Variants in C11orf58 observed in about 807,000 individuals in gnomAD.
C11orf58 encodes chromosome 11 open reading frame 58, also known as small acidic protein.
Under a neutral mutation model 22.7 loss-of-function variants are expected in C11orf58, and 5 were observed. The ratio of observed to expected loss-of-function variants is 0.22; its 90% CI spans 0.12 to 0.46. The LOEUF is 0.46. Among genes scored for constraint, C11orf58 ranks in the 20% least tolerant of loss-of-function variants. The pLI, the probability that C11orf58 is intolerant of heterozygous loss-of-function variation, is 0.99. For missense variants in C11orf58, 151 were observed against 223.3 expected, an observed-to-expected ratio of 0.68 and a Z score of 2.06; for synonymous variants, 71 against 70.7, an observed-to-expected ratio of 1.00 and a Z score of -0.02.
At chr11:16,741,471 T>C (rs771130188) in intron 1 of C11orf58, among the ~76,000 whole-genome samples, 15 of 152,198 alleles carry the variant, frequency 9.9e-5, no homozygotes, top group Non-Finnish European at 2.1e-4. Context: ...TAGTAACTGC[T>C]AAGGAACTCT....
At position 16,754,831 on chromosome 11, in the gene C11orf58, A is replaced by G. The variant is rs1208523056; in HGVS notation, c.319-40A>G. 5 of 1,606,274 alleles carry G rather than the reference A, an allele frequency of 3.1e-6. No individual in the cohort carries two copies. The South Asian group carries it at 4.5e-5, about 14-fold the overall frequency. ...GTCTTTCTCAGATTTTGTATGGGCT[A>G]ATGTTTATTTTTAAAAGAGCCTGTT... On this transcript the variant is annotated intron_variant, in intron 4 of 4. Transcript: ENST00000228136.
intron 1 of C11orf58, among the ~76,000 whole-genome samples, chr11:16,742,919 C>T (rs2134068497): frequency 6.6e-6 from 1 of 152,192 alleles, no homozygotes; most frequent in African/African-American, 2.4e-5. Context: ...GCAGCCAGCC[C>T]TGTGGAACCT....
intron 4 of C11orf58, among the ~76,000 whole-genome samples, chr11:16,754,592 C>A (rs560775482): frequency 3.1e-5 from 2 of 65,074 alleles, no homozygotes; most frequent in African/African-American, 5.7e-5. Flanking sequence ...TTTTAAGAGA[C>A]AGGGTCTCAC....
In C11orf58 at chr11:16,754,912, TGATGATGAC is replaced by T. The variant is rs768657064; in HGVS notation, c.369_377del (p.Asp124_Asp126del). The T allele has an allele frequency of 4.3e-6, 7 of 1,614,074 alleles. No individual in the cohort carries two copies. The Admixed American group carries it at 1.2e-4, about 27-fold the overall frequency. Reference sequence around the variant, plus strand: ...GAGAAGGTGATGTGGCTGGAGATGATGATGATGACGATGATGATTCACCTGATCCTGAAA... The same window carrying T: ...GAGAAGGTGATGTGGCTGGAGATGATGATGATGATTCACCTGATCCTGAAA... On this transcript the variant is annotated inframe_deletion, in exon 5 of 5. Transcript: ENST00000228136.
chr11:16,752,878 G>A lies in C11orf58; in HGVS notation c.302G>A (p.Gly101Glu), dbSNP rs1337249682. ...TCAGGAAGATATCGGCGACATTGTGGACTTGGCTTCAGTGAGGTAGTAATT... is the reference window on the plus strand; with the variant it reads ...TCAGGAAGATATCGGCGACATTGTGAACTTGGCTTCAGTGAGGTAGTAATT... ...KLSGRYRRHC[G>E]LGFSEVEDHD... The change falls in exon 4 of 5, where the codon GGA becomes GAA. Residue 101 changes from glycine (G) to glutamate (E), a missense_variant. By Grantham distance (98) the Gly-to-Glu change is moderately conservative. Around this residue, in one of 3 missense-constraint regions of C11orf58, gnomAD observed 112 missense variants for 162.6 expected, o/e 0.69. Coordinates refer to ENST00000228136, the MANE Select transcript of C11orf58 (RefSeq NM_014267.6). 1 of 1,609,398 alleles carries A rather than the reference G, an allele frequency of 6.2e-7. No individual in the cohort carries two copies. The highest frequency in any genetic ancestry group is 1.3e-5 in the African/African-American group (1 of 74,694).
At chr11:16,748,305 GTAATCCCGGTT>G (rs1030795804) in intron 3 of C11orf58, 148 bp downstream of exon 3, 37 of 590,868 alleles carry the variant, frequency 6.3e-5, no homozygotes, top group Non-Finnish European at 1.0e-4. Flanking sequence ...CTTAATGCCT[GTAATCCCGGTT>G]ATTTGGGAGG....
chr11:16,748,196 T>C (rs777039021), intron 3 of C11orf58, 39 bp downstream of exon 3: 1 of 1,490,950 alleles, frequency 6.7e-7, no homozygotes, highest in Non-Finnish European at 9.4e-7. Context: ...AAGTGCTAAA[T>C]TCAGAATATG....
chr11:16,754,941 C>A lies in C11orf58; in HGVS notation c.389C>A (p.Pro130His). ...GATGACGATGATGATTCACCTGATC[C>A]TGAAAGTCCAGATGATTCTGAAAGC... is the stretch of plus-strand genomic sequence containing the variant. ...DDDDDDDSPDPESPDDSESDS... is the reference protein window; with the variant it reads ...DDDDDDDSPDHESPDDSESDS... Residue 130 changes from proline to histidine, a missense_variant, in exon 5 of 5, where the codon CCT (proline) becomes CAT (histidine). Physicochemically the swap from Pro to His is moderately conservative, Grantham distance 77. Transcript: ENST00000228136. The A allele has an allele frequency of 6.2e-7, 1 of 1,613,980 alleles. No homozygotes were observed. The highest frequency in any genetic ancestry group is 1.1e-5 in the South Asian group (1 of 91,078).
chr11:16,751,630 A>T (rs1483316547), intron 3 of C11orf58: 1 of 152,238 alleles, frequency 6.6e-6, no homozygotes. Context: ...TGGGGGCCAC[A>T]AGTGAACATT....
At chr11:16,752,731 T>A in intron 3 of C11orf58, 54 bp from the exon 4 acceptor site, 1 of 1,280,990 alleles carries the variant, frequency 7.8e-7, no homozygotes, top group Non-Finnish European at 1.1e-6. Context: ...TTATGGGTTT[T>A]TGTGTAAATT....
At chr11:16,754,594 G>C (rs1368263387) in intron 4 of C11orf58, among the ~76,000 whole-genome samples, 2 of 79,166 alleles carry the variant, frequency 2.5e-5, no homozygotes, top group African/African-American at 9.6e-5. Flanking sequence ...TTAAGAGACA[G>C]GGTCTCACTA....
At position 16,757,807 on chromosome 11, in the gene C11orf58, G is replaced by C. The variant is rs1472159831; in HGVS notation, c.*2703G>C. On this transcript the variant is annotated 3_prime_UTR_variant, in exon 5 of 5. Coordinates refer to ENST00000228136, the MANE Select transcript of C11orf58 (RefSeq NM_014267.6). ...AAAAGAATGTTTGCAGATGCAGATT[G>C]CAATGTTGTTTGTATTCATAGGCAA... Among the ~76,000 whole-genome samples, 2 of 152,172 alleles carry C rather than the reference G, an allele frequency of 1.3e-5. No homozygotes were observed. The highest frequency in any genetic ancestry group is 2.9e-5 in the Non-Finnish European group (2 of 68,026).
chr11:16,744,192 A>G (rs1343002438), intron 1 of C11orf58: 1 of 167,614 alleles, frequency 6.0e-6, no homozygotes, highest in East Asian at 1.7e-4. Context: ...CTAGGACCCT[A>G]CCCTGCGAGG....
At position 16,754,935 on chromosome 11, in the gene C11orf58, C is replaced by T; in HGVS notation, c.383C>T (p.Pro128Leu). 1 of 1,614,034 alleles carries T rather than the reference C, an allele frequency of 6.2e-7. No individual in the cohort carries two copies. The highest frequency in any genetic ancestry group is 1.6e-4 in the Middle Eastern group (1 of 6,062). The change falls in exon 5 of 5, where the codon CCT becomes CTT. Residue 128 changes from proline (P) to leucine (L), a missense_variant. By Grantham distance (98) the Pro-to-Leu change is moderately conservative. Transcript: ENST00000228136. ...GATGATGATGACGATGATGATTCAC[C>T]TGATCCTGAAAGTCCAGATGATTCT... Reference protein sequence around the residue: ...GDDDDDDDDSPDPESPDDSES... With the variant: ...GDDDDDDDDSLDPESPDDSES...
chr11:16,738,715 C>A lies in C11orf58; in HGVS notation c.-64C>A. The A allele has an allele frequency of 6.4e-7, 1 of 1,573,954 alleles. No homozygotes were observed. On this transcript the variant is annotated 5_prime_UTR_variant, in exon 1 of 5. In the 5' UTR this introduces an upstream ATG that the reference lacks. Transcript: ENST00000228136. ...TGGGCCCTTGGCGGATTGTAAGCTG[C>A]TGGTTTTGCGGCTGGGAAGAGCGGC... is the stretch of plus-strand genomic sequence containing the variant.
chr11:16,743,008 C>G (rs2134068561), intron 1 of C11orf58, among the ~76,000 whole-genome samples: 1 of 152,238 alleles, frequency 6.6e-6, no homozygotes, highest in East Asian at 1.9e-4. Flanking sequence ...ATAAGGGACC[C>G]TTGAAGTTCA....
At position 16,756,649 on chromosome 11, in the gene C11orf58, C is replaced by T. The variant is rs1848580089; in HGVS notation, c.*1545C>T. The stretch of plus-strand genomic sequence containing the variant: ...TGTTGCCATGTGCGGTGGCTCACAC[C>T]TATAATCCCAGCACTTTGGGAGGCC... On this transcript the variant is annotated 3_prime_UTR_variant, in exon 5 of 5. Coordinates refer to ENST00000228136, the MANE Select transcript of C11orf58 (RefSeq NM_014267.6). Among the ~76,000 whole-genome samples, 1 of 151,164 alleles carries T rather than the reference C, an allele frequency of 6.6e-6. No homozygotes were observed. Among genetic ancestry groups the T allele is most frequent in the Non-Finnish European group, 1.5e-5 (1 of 67,810 alleles).
chr11:16,743,937 C>T (rs1848467669), intron 1 of C11orf58, among the ~76,000 whole-genome samples: 1 of 151,512 alleles, frequency 6.6e-6, no homozygotes, highest in Non-Finnish European at 1.5e-5. Context: ...TGCAAGATAG[C>T]ATGAGTTTTA....
chr11:16,745,115 A>C (rs1438472679), intron 2 of C11orf58, among the ~76,000 whole-genome samples: 1 of 152,206 alleles, frequency 6.6e-6, no homozygotes, highest in African/African-American at 2.4e-5. Flanking sequence ...CTTTATCAAA[A>C]ACTTAATTTT....
Sources: allele counts gnomAD v4.1 joint callset (sites outside exome capture counted in the v4.1 genomes callset), GRCh38; gene constraint gnomAD v4.1.1; regional missense constraint gnomAD v4.1.1; transcripts MANE v1.5; gene names NCBI Gene and HGNC (gene_info 2026-07-23, HGNC 2026-07-21).